Variants in CNTN6 observed in about 807,000 individuals in gnomAD.
The protein encoded by CNTN6 is contactin 6.
Under a neutral mutation model 122.8 loss-of-function variants are expected in CNTN6, and 137 were observed. The observed-to-expected ratio is 1.12, with a 90% CI of 0.97 to 1.29. The LOEUF is 1.29. Among genes scored for constraint, CNTN6 ranks in the 50% most tolerant of loss-of-function variants. CNTN6 has a pLI of 0.00. For synonymous variants in CNTN6, 570 were observed against 426.0 expected (o/e 1.34, Z -4.16); for missense variants, 1,634 against 1,223.4 (o/e 1.34, Z -5.01).
chr3:1,223,980 T>A (rs1286801890), intron 3 of CNTN6, among the ~76,000 whole-genome samples: 1 of 152,216 alleles, frequency 6.6e-6, no homozygotes, highest in Non-Finnish European at 1.5e-5. Flanking sequence ...ATCAGAAGGC[T>A]TGTTCAAGTA....
At chr3:1,265,738 C>T (rs1209638766) in intron 4 of CNTN6, among the ~76,000 whole-genome samples, 2 of 152,144 alleles carry the variant, frequency 1.3e-5, no homozygotes, top group African/African-American at 4.8e-5. Flanking sequence ...TCAAAGATGT[C>T]TTGTCTCCTG....
At position 1,329,845 on chromosome 3, in the gene CNTN6, G is replaced by A. The variant is rs1227430438; in HGVS notation, c.1274G>A (p.Gly425Glu). The stretch of plus-strand genomic sequence containing the variant: ...AAAAAGTCTTTTGTTCAAGTTGGTG[G>A]GGATATTGTTATCGGATGCAAACCA... ...VKKKSFVQVG[G>E]DIVIGCKPNA... The change falls in exon 11 of 23, where the codon GGG (glycine) becomes GAG (glutamate). Residue 425 changes from glycine to glutamate, a missense_variant. Transcript: ENST00000446702. The A allele has an allele frequency of 1.2e-6, 2 of 1,610,804 alleles. No homozygotes were observed.
At chr3:1,152,551 C>A (rs547730012) in intron 2 of CNTN6, among the ~76,000 whole-genome samples, 1 of 152,188 alleles carries the variant, frequency 6.6e-6, no homozygotes, top group East Asian at 1.9e-4. Context: ...GCCTAAGAAA[C>A]CCAAGATTAA....
intron 2 of CNTN6, among the ~76,000 whole-genome samples, chr3:1,170,507 C>A (rs1328275989): frequency 1.3e-5 from 2 of 152,024 alleles, no homozygotes; most frequent in African/African-American, 4.8e-5. Context: ...CCTTTGATTT[C>A]AAAAGAACTG....
intron 20 of CNTN6, among the ~76,000 whole-genome samples, chr3:1,389,594 G>A (rs1693778664): frequency 8.1e-6 from 1 of 123,886 alleles, no homozygotes; most frequent in Non-Finnish European, 2.0e-5. Flanking sequence ...TGGACTAAAT[G>A]CTCTAATTAA....
chr3:1,284,005 G>GCAAA (rs1040744077), intron 5 of CNTN6, among the ~76,000 whole-genome samples: 2 of 151,954 alleles, frequency 1.3e-5, no homozygotes, highest in Non-Finnish European at 2.9e-5. Context: ...ATCTCAAAAA[G>GCAAA]CAAACAAACA....
intron 2 of CNTN6, among the ~76,000 whole-genome samples, chr3:1,192,872 A>T (rs2093722336): frequency 6.6e-6 from 1 of 152,116 alleles, no homozygotes; most frequent in Admixed American, 6.6e-5. Context: ...TGCTTCCTCA[A>T]CTTAGCTCAC....
At chr3:1,139,224 T>C (rs766592632) in intron 1 of CNTN6, among the ~76,000 whole-genome samples, 1 of 152,196 alleles carries the variant, frequency 6.6e-6, no homozygotes, top group Non-Finnish European at 1.5e-5. Context: ...TAGTCCTTTA[T>C]GGTCTTTTAC....
chr3:1,143,324 T>C (rs1237340226), intron 1 of CNTN6, among the ~76,000 whole-genome samples: 1 of 152,156 alleles, frequency 6.6e-6, no homozygotes, highest in African/African-American at 2.4e-5. Context: ...CGTTAGTTTA[T>C]GAACCAAGAT....
At chr3:1,141,450 C>T (rs2092606508) in intron 1 of CNTN6, among the ~76,000 whole-genome samples, 1 of 152,170 alleles carries the variant, frequency 6.6e-6, no homozygotes, top group African/African-American at 2.4e-5. Context: ...AGTAAGACAA[C>T]TAGAGAGAGA....
chr3:1,236,445 T>C (rs2094423246), intron 4 of CNTN6, among the ~76,000 whole-genome samples: 1 of 151,870 alleles, frequency 6.6e-6, no homozygotes, highest in Admixed American at 6.6e-5. Flanking sequence ...AATCAGAGCC[T>C]GGTAGCTCCA....
At chr3:1,230,829 CTTCT>C (rs1317885798) in intron 4 of CNTN6, among the ~76,000 whole-genome samples, 1 of 152,198 alleles carries the variant, frequency 6.6e-6, no homozygotes, top group East Asian at 1.9e-4. Flanking sequence ...TCATGTGGGC[CTTCT>C]TTCTTTGTTT....
chr3:1,130,218 T>G (rs1229547191), intron 1 of CNTN6, among the ~76,000 whole-genome samples: 1 of 152,090 alleles, frequency 6.6e-6, no homozygotes, highest in African/African-American at 2.4e-5. Context: ...ACCCTATATC[T>G]AAAACATGGC....
chr3:1,172,618 C>CTG (rs1352659428), intron 2 of CNTN6, among the ~76,000 whole-genome samples: 30 of 75,000 alleles, frequency 4.0e-4, no homozygotes, highest in South Asian at 6.2e-4. Flanking sequence ...TGCAATAACT[C>CTG]TCTGTGTGTG....
intron 1 of CNTN6, among the ~76,000 whole-genome samples, chr3:1,097,765 A>C (rs1478706872): frequency 6.6e-6 from 1 of 152,222 alleles, no homozygotes; most frequent in Non-Finnish European, 1.5e-5. Flanking sequence ...GGCAATTAAG[A>C]AGCACTCTAT....
intron 2 of CNTN6, among the ~76,000 whole-genome samples, chr3:1,189,734 T>C (rs2093674756): frequency 6.6e-6 from 1 of 152,030 alleles, no homozygotes; most frequent in Admixed American, 6.6e-5. Flanking sequence ...CTGAACCCAA[T>C]GGGAAAGAAT....
At chr3:1,300,547 A>G (rs1405091197) in intron 7 of CNTN6, among the ~76,000 whole-genome samples, 5 of 125,788 alleles carry the variant, frequency 4.0e-5, no homozygotes, top group Non-Finnish European at 5.2e-5. Context: ...GAGAGAAAGA[A>G]AGAGAAAGAA....
At chr3:1,218,581 G>A (rs946868426) in intron 2 of CNTN6, among the ~76,000 whole-genome samples, 2 of 152,114 alleles carry the variant, frequency 1.3e-5, no homozygotes, top group African/African-American at 4.8e-5. Context: ...ACAGTGATAC[G>A]AGACTAGTCA....
intron 11 of CNTN6, among the ~76,000 whole-genome samples, chr3:1,332,243 C>G (rs1223372941): frequency 1.3e-5 from 2 of 151,914 alleles, no homozygotes. Flanking sequence ...CAGTAATTTT[C>G]AAAAGGTCAC....
Sources: allele counts gnomAD v4.1 joint callset (sites outside exome capture counted in the v4.1 genomes callset), GRCh38; gene constraint gnomAD v4.1.1; transcripts MANE v1.5; gene names NCBI Gene and HGNC (gene_info 2026-07-23, HGNC 2026-07-21).